The following LARGE1 variants were observed in gnomAD, a reference collection of about 807,000 sequenced individuals.
LARGE1 encodes the protein LARGE xylosyl- and glucuronyltransferase 1.
Under a neutral mutation model 87.6 loss-of-function variants are expected in LARGE1, and 43 were observed. The observed-to-expected ratio is 0.49, with a 90% CI of 0.38 to 0.63. The LOEUF (loss-of-function observed/expected upper bound fraction) is 0.63. LARGE1 is among the 30% of genes least tolerant of loss of function. The probability of loss-of-function intolerance (pLI) is 0.00; values close to 1 mark genes in which losing one functional copy is unlikely to be tolerated. For synonymous variants in LARGE1, 434 were observed against 394.6 expected (o/e 1.10, Z -1.18); for missense variants, 802 against 1,000.2 (o/e 0.80, Z 2.67).
At chr22:33,459,134 G>T (rs1025910727) in intron 6 of LARGE1, among the ~76,000 whole-genome samples, 13 of 151,836 alleles carry the variant, frequency 8.6e-5, no homozygotes, top group Admixed American at 6.6e-4. Flanking sequence ...TCACCCCTCG[G>T]CCCCCAACAG....
chr22:33,220,319 T>C (rs1925398668), intron 11 of LARGE1, among the ~76,000 whole-genome samples: 1 of 152,160 alleles, frequency 6.6e-6, no homozygotes, highest in Admixed American at 6.5e-5. Flanking sequence ...TAAAACAATA[T>C]ATGTTTGCTG....
intron 4 of LARGE1, among the ~76,000 whole-genome samples, chr22:33,609,656 G>C (rs1340797063): frequency 6.6e-6 from 1 of 152,050 alleles, no homozygotes; most frequent in Non-Finnish European, 1.5e-5. Flanking sequence ...GCTATACTGA[G>C]GGCTGATTTT....
At chr22:33,566,710 T>C (rs1405183161) in intron 5 of LARGE1, among the ~76,000 whole-genome samples, 6 of 152,216 alleles carry the variant, frequency 3.9e-5, no homozygotes, top group African/African-American at 7.2e-5. Flanking sequence ...ATCCTGCTGA[T>C]TGGTCCATTT....
intron 6 of LARGE1, among the ~76,000 whole-genome samples, chr22:33,469,339 T>C (rs947973930): frequency 6.6e-6 from 1 of 152,146 alleles, no homozygotes; most frequent in African/African-American, 2.4e-5. Context: ...CACCATAGAA[T>C]ACTATGCAGT....
intron 6 of LARGE1, among the ~76,000 whole-genome samples, chr22:33,528,435 C>A (rs1224895469): frequency 6.6e-6 from 1 of 152,140 alleles, no homozygotes; most frequent in Admixed American, 6.5e-5. Context: ...GAGACACGTG[C>A]CCATGAGCAA....
chr22:33,150,407 A>G, the LARGE1 span, among the ~76,000 whole-genome samples: 3 of 152,194 alleles, frequency 2.0e-5, no homozygotes, highest in Admixed American at 1.3e-4. Context: ...GGCAAGCAGC[A>G]GGACCTATAC....
chr22:33,336,105 C>CAA (rs1569068949), intron 10 of LARGE1, among the ~76,000 whole-genome samples: 1 of 152,328 alleles, frequency 6.6e-6, no homozygotes, highest in East Asian at 1.9e-4. Context: ...GAGCAGAGTG[C>CAA]AAATATTGAC....
intron 1 of LARGE1, among the ~76,000 whole-genome samples, chr22:33,786,559 T>C (rs1267114397): frequency 6.6e-6 from 1 of 152,150 alleles, no homozygotes; most frequent in East Asian, 1.9e-4. Flanking sequence ...CCTCTCTCTC[T>C]CCCTACTCCC....
At chr22:33,571,358 A>G (rs2078198993) in intron 5 of LARGE1, among the ~76,000 whole-genome samples, 1 of 152,154 alleles carries the variant, frequency 6.6e-6, no homozygotes, top group Non-Finnish European at 1.5e-5. Flanking sequence ...GGTATATCTG[A>G]TGCCAGGTGG....
chr22:33,506,340 A>T, intron 6 of LARGE1, among the ~76,000 whole-genome samples: 1 of 152,192 alleles, frequency 6.6e-6, no homozygotes, highest in East Asian at 1.9e-4. Flanking sequence ...CAGAAGCCAT[A>T]CATCTCTTGA....
At chr22:33,797,039 C>T (rs2086009089) in intron 1 of LARGE1, among the ~76,000 whole-genome samples, 1 of 152,134 alleles carries the variant, frequency 6.6e-6, no homozygotes, top group Non-Finnish European at 1.5e-5. Flanking sequence ...GCTAGGATCA[C>T]AGGCGTGAGC....
At chr22:33,286,837 G>A (rs1345073831) in intron 12 of LARGE1, among the ~76,000 whole-genome samples, 2 of 152,182 alleles carry the variant, frequency 1.3e-5, no homozygotes. Flanking sequence ...CTGCTTCTTA[G>A]AGATTAATTC....
chr22:33,281,987 T>C (rs937159738), intron 13 of LARGE1, among the ~76,000 whole-genome samples: 4 of 152,224 alleles, frequency 2.6e-5, no homozygotes, highest in African/African-American at 9.6e-5. Flanking sequence ...TAGAAACGTA[T>C]GCTTTTTAGC....
intron 7 of LARGE1, among the ~76,000 whole-genome samples, chr22:33,393,976 A>T (rs1251653760): frequency 3.3e-5 from 5 of 152,150 alleles, no homozygotes; most frequent in African/African-American, 4.8e-5. Flanking sequence ...GCAACAGCTC[A>T]GTAATCAAGA....
chr22:33,469,185 A>G (rs2068731610), intron 6 of LARGE1, among the ~76,000 whole-genome samples: 1 of 152,212 alleles, frequency 6.6e-6, no homozygotes, highest in Admixed American at 6.5e-5. Flanking sequence ...TATTGGGTAT[A>G]TACCCAAAGG....
chr22:33,601,861 C>T lies in LARGE1; in HGVS notation c.615+2574G>A, dbSNP rs532575258. On this transcript the variant is annotated intron_variant, in intron 5 of 14. Transcript: ENST00000397394. Reference sequence around the variant, plus strand: ...GATGTATATATATATAAAGCCAGCACGTAAAATAATAGACAGTTGGTCTCC... The same window carrying T: ...GATGTATATATATATAAAGCCAGCATGTAAAATAATAGACAGTTGGTCTCC... Among the ~76,000 whole-genome samples, 7 of 152,212 alleles carry T rather than the reference C, an allele frequency of 4.6e-5. No individual in the cohort carries two copies. In the East Asian group the frequency reaches 1.2e-3, roughly 25 times the overall value.
At chr22:33,780,598 CCT>C (rs2145890526) in intron 1 of LARGE1, among the ~76,000 whole-genome samples, 1 of 152,296 alleles carries the variant, frequency 6.6e-6, no homozygotes, top group African/African-American at 2.4e-5. Flanking sequence ...ATGAACACAG[CCT>C]CTCTGAATTT....
chr22:33,264,517 C>T (rs772550613), intron 11 of LARGE1, among the ~76,000 whole-genome samples: 3 of 152,076 alleles, frequency 2.0e-5, no homozygotes, highest in Non-Finnish European at 4.4e-5. Context: ...AAAATTAGCC[C>T]ACTTGGTGGC....
At chr22:33,844,520 G>A (rs2063373853) in intron 1 of LARGE1, among the ~76,000 whole-genome samples, 1 of 152,214 alleles carries the variant, frequency 6.6e-6, no homozygotes, top group Non-Finnish European at 1.5e-5. Context: ...AAGCTGGAAT[G>A]CAGGTGACCT....
Sources: gnomAD v4.1 joint callset for allele counts (sites outside exome capture counted in the v4.1 genomes callset) on GRCh38, gnomAD v4.1.1 for gene constraint, MANE v1.5 for transcripts, NCBI Gene and HGNC (gene_info 2026-07-23, HGNC 2026-07-21) for gene names.